The following JPH3 variants were observed in gnomAD, a reference collection of about 807,000 sequenced individuals.
The protein encoded by JPH3 is junctophilin-3.
A neutral mutation model predicts 59.6 loss-of-function variants in JPH3; 11 were observed. The observed-to-expected ratio is 0.18, with a 90% CI of 0.12 to 0.31. JPH3 has a LOEUF of 0.31. Ranked by LOEUF, JPH3 falls within the 10% of genes least tolerant of loss-of-function variation. JPH3 has a pLI of 1.00. For synonymous variants in JPH3, 673 were observed against 483.6 expected, an observed-to-expected ratio of 1.39 and a Z score of -5.14; for missense variants, 1,202 against 1,105.7, an observed-to-expected ratio of 1.09 and a Z score of -1.24.
chr16:87,658,870 C>G (rs952199842), intron 2 of JPH3, among the ~76,000 whole-genome samples: 1 of 152,260 alleles, frequency 6.6e-6, no homozygotes, highest in African/African-American at 2.4e-5. Flanking sequence ...CTATTTCCTC[C>G]TCTCCAAACC....
Position 87,684,156 on chromosome 16 carries a change from G to T in JPH3, c.1175G>T (p.Arg392Leu), listed in dbSNP as rs775431614. ...EIAASRTSHS[R>L]AKAEAALTAA... The stretch of plus-strand genomic sequence containing the variant: ...GTCTCCCCCAGGACCTCCCACTCTC[G>T]GGCAAAGGCCGAGGCAGCCCTCACA... Residue 392 changes from arginine (R) to leucine (L), a missense_variant, in exon 3 of 5, where the codon CGG (arginine) becomes CTG (leucine). Transcript: ENST00000284262. 2.5e-6 allele frequency: 4 copies of T among 1,613,290 alleles called. No homozygotes were observed. Among genetic ancestry groups the T allele is most frequent in the Non-Finnish European group, 3.4e-6 (4 of 1,179,926 alleles).
At position 87,649,316 on chromosome 16, in the gene JPH3, C is replaced by G. The variant is rs531691667; in HGVS notation, c.1160+4281C>G. Among the ~76,000 whole-genome samples the G allele has an allele frequency of 3.3e-5, 5 of 152,374 alleles. No homozygotes were observed. In the East Asian group the frequency reaches 9.6e-4, roughly 29 times the overall value. The stretch of plus-strand genomic sequence containing the variant: ...CCACAGGGCATTCGGCCCCTCCTGC[C>G]TTCACACACTCAAGACGTTTTCATG... On this transcript the variant is annotated intron_variant, in intron 2 of 4. Coordinates refer to ENST00000284262, the MANE Select transcript of JPH3 (RefSeq NM_020655.4).
Position 87,603,135 on chromosome 16 carries a change from C to A in JPH3, c.-12C>A. On this transcript the variant is annotated 5_prime_UTR_variant, in exon 1 of 5. Coordinates refer to ENST00000284262, the MANE Select transcript of JPH3 (RefSeq NM_020655.4). ...TTTCACCGTTTGCGGGATCTGGAAC[C>A]GAGTTACATGCATGTCCAGTGGGGG... 6.2e-7 allele frequency: 1 copy of A among 1,613,822 alleles called. No homozygotes were observed. The highest frequency in any genetic ancestry group is 8.5e-7 in the Non-Finnish European group (1 of 1,179,872).
At chr16:87,608,247 G>A (rs1383143721) in intron 1 of JPH3, among the ~76,000 whole-genome samples, 2 of 152,244 alleles carry the variant, frequency 1.3e-5, no homozygotes, top group Non-Finnish European at 1.5e-5. Flanking sequence ...AGCCTCTGCT[G>A]TTCCTTTCCA....
intron 1 of JPH3, among the ~76,000 whole-genome samples, chr16:87,612,798 G>A (rs1243030085): frequency 1.3e-5 from 2 of 151,922 alleles, no homozygotes; most frequent in African/African-American, 2.4e-5. Context: ...GGCGGAGGCC[G>A]AGGAGGTCAG....
rs1020032609 is a variant in JPH3, at chr16:87,684,008, C to G, written c.1161-134C>G. 9.4e-6 allele frequency: 6 copies of G among 638,688 alleles called. No individual in the cohort carries two copies. In the East Asian group the frequency reaches 1.1e-4, roughly 12 times the overall value. The allele number at this position is 638,688 out of a possible 1,614,324, so 39.6% of individuals were successfully genotyped here. A position where few individuals can be genotyped will look rare whatever the true frequency, so the allele number is the denominator to read the frequency against. ...GAATGAACGAACAAGATCCAGAAGT[C>G]TGAGGGTAAACATGGGGTGCCAGCA... On this transcript the variant is annotated intron_variant, in intron 2 of 4. Transcript: ENST00000284262.
At chr16:87,685,329 G>A (rs1444069710) in intron 3 of JPH3, among the ~76,000 whole-genome samples, 2 of 152,224 alleles carry the variant, frequency 1.3e-5, no homozygotes, top group Admixed American at 6.5e-5. Context: ...CTATTCCACT[G>A]CGTCCCCTCC....
At position 87,644,594 on chromosome 16, in the gene JPH3, A is replaced by G; in HGVS notation, c.719A>G (p.Lys240Arg). The change falls in exon 2 of 5, where the codon AAG (lysine) becomes AGG (arginine). Residue 240 changes from lysine (K) to arginine (R), a missense_variant. Physicochemically the swap from Lys to Arg is conservative, Grantham distance 26 (BLOSUM62 2). Transcript: ENST00000284262. ...SKSSLASQRS[K>R]QSSFRSEAGM... is the part of the protein sequence containing the mutation. ...AGCAGCCTGGCCAGCCAACGCAGCA[A>G]GCAGAGCTCCTTTCGCAGCGAGGCG... 1 of 1,612,988 alleles carries G rather than the reference A, an allele frequency of 6.2e-7. No homozygotes were observed. Among genetic ancestry groups the G allele is most frequent in the South Asian group, 1.1e-5 (1 of 91,084 alleles).
At chr16:87,630,081 T>C (rs541864169) in intron 1 of JPH3, among the ~76,000 whole-genome samples, 78 of 152,306 alleles carry the variant, frequency 5.1e-4, no homozygotes, top group Admixed American at 9.2e-4. Context: ...TGGAAGCCAG[T>C]TGGGGCGTGG....
intron 2 of JPH3, among the ~76,000 whole-genome samples, chr16:87,665,085 G>T (rs1313362206): frequency 6.6e-6 from 1 of 152,224 alleles, no homozygotes; most frequent in South Asian, 2.1e-4. Flanking sequence ...CTTCCTTGCC[G>T]GAGCTCATCC....
chr16:87,647,145 C>A (rs2032179863), intron 2 of JPH3, among the ~76,000 whole-genome samples: 1 of 152,056 alleles, frequency 6.6e-6, no homozygotes, highest in African/African-American at 2.4e-5. Flanking sequence ...GGCCCAGGGG[C>A]TCTGTGGAGC....
chr16:87,655,224 C>CT (rs1245165547), intron 2 of JPH3, among the ~76,000 whole-genome samples: 19 of 152,266 alleles, frequency 1.2e-4, no homozygotes, highest in African/African-American at 4.6e-4. Context: ...GGCCCTTGGG[C>CT]TGCATATTCG....
At chr16:87,675,533 GC>G (rs1490483358) in intron 2 of JPH3, among the ~76,000 whole-genome samples, 1 of 152,172 alleles carries the variant, frequency 6.6e-6, no homozygotes. Context: ...GCAGCCGGAG[GC>G]TGCCGGCAGC....
chr16:87,637,699 T>C (rs576800737), intron 1 of JPH3, among the ~76,000 whole-genome samples: 5 of 152,138 alleles, frequency 3.3e-5, no homozygotes, highest in Non-Finnish European at 7.4e-5. Flanking sequence ...GAGTCTATGC[T>C]TGAAGGCCAT....
At chr16:87,681,162 T>C (rs2033280744) in intron 2 of JPH3, among the ~76,000 whole-genome samples, 1 of 132,294 alleles carries the variant, frequency 7.6e-6, no homozygotes, top group African/African-American at 3.0e-5. Context: ...GAAGGTCAGG[T>C]GCACGCGGTG....
At chr16:87,687,940 G>A (rs2033458080) in intron 3 of JPH3, among the ~76,000 whole-genome samples, 1 of 152,180 alleles carries the variant, frequency 6.6e-6, no homozygotes, top group South Asian at 2.1e-4. Context: ...CCTGGCCAAG[G>A]AGGAGGTACG....
chr16:87,658,559 C>T (rs1056383121), intron 2 of JPH3, among the ~76,000 whole-genome samples: 6 of 152,178 alleles, frequency 3.9e-5, no homozygotes, highest in African/African-American at 7.2e-5. Context: ...CTCTCCCCAA[C>T]CCCCCTGTTT....
intron 2 of JPH3, among the ~76,000 whole-genome samples, chr16:87,671,273 C>T (rs1203813625): frequency 2.0e-5 from 3 of 151,482 alleles, no homozygotes; most frequent in East Asian, 1.9e-4. Flanking sequence ...CTGGCCCCTT[C>T]GTCACCCCGA....
chr16:87,666,382 C>T (rs2032861022), intron 2 of JPH3, among the ~76,000 whole-genome samples: 2 of 144,430 alleles, frequency 1.4e-5, no homozygotes, highest in African/African-American at 2.5e-5. Flanking sequence ...AGCCACCGCG[C>T]CTGGCCTATT....
Sources: allele counts gnomAD v4.1 joint callset (sites outside exome capture counted in the v4.1 genomes callset), GRCh38; gene constraint gnomAD v4.1.1; transcripts MANE v1.5; gene names NCBI Gene and HGNC (gene_info 2026-07-23, HGNC 2026-07-21).